NCKAP5: variants seen among roughly 807,000 people sequenced by gnomAD.
NCKAP5 encodes the protein NCK associated protein 5, also known as nck-associated protein 5.
NCKAP5 carries 92 observed loss-of-function variants against 167.0 expected under a neutral mutation model. The observed-to-expected ratio is 0.55, with a 90% CI of 0.47 to 0.66. The LOEUF is 0.66. Among genes scored for constraint, NCKAP5 ranks in the 30% least tolerant of loss-of-function variants. The pLI is 0.00. For synonymous variants in NCKAP5, 891 were observed against 877.4 expected, an observed-to-expected ratio of 1.02 and a Z score of -0.27; for missense variants, 2,378 against 2,315.0, an observed-to-expected ratio of 1.03 and a Z score of -0.56.
intron 3 of NCKAP5, among the ~76,000 whole-genome samples, chr2:133,387,596 T>C (rs1687079941): frequency 6.6e-6 from 1 of 152,232 alleles, no homozygotes; most frequent in South Asian, 2.1e-4. Context: ...TTGGCCTGCC[T>C]TGCTAAGTTG....
At chr2:133,339,174 C>T (rs1054935710) in intron 3 of NCKAP5, among the ~76,000 whole-genome samples, 1 of 152,108 alleles carries the variant, frequency 6.6e-6, no homozygotes, top group African/African-American at 2.4e-5. Context: ...CTTGTTTCTC[C>T]TTTCTTATGT....
chr2:133,613,704 C>T, the NCKAP5 span, among the ~76,000 whole-genome samples: 1 of 152,154 alleles, frequency 6.6e-6, no homozygotes, highest in Non-Finnish European at 1.5e-5. Context: ...CACATGCGGA[C>T]TGGTTCTAGG....
chr2:132,961,203 C>T (rs1287483200), intron 8 of NCKAP5, among the ~76,000 whole-genome samples: 2 of 151,386 alleles, frequency 1.3e-5, no homozygotes, highest in African/African-American at 4.9e-5. Flanking sequence ...TTAACCCATG[C>T]AAAGATCCTA....
intron 6 of NCKAP5, among the ~76,000 whole-genome samples, chr2:133,090,180 A>G (rs796234899): frequency 6.6e-6 from 1 of 151,598 alleles, no homozygotes; most frequent in African/African-American, 2.4e-5. Context: ...CAACTGGGGC[A>G]ATACAGTGAG....
At chr2:132,806,395 T>A (rs973351110) in intron 11 of NCKAP5, among the ~76,000 whole-genome samples, 1 of 152,202 alleles carries the variant, frequency 6.6e-6, no homozygotes, top group Non-Finnish European at 1.5e-5. Context: ...CCAGCGGCAG[T>A]GTAGAAGTGT....
the NCKAP5 span, among the ~76,000 whole-genome samples, chr2:133,634,662 AT>A: frequency 6.6e-6 from 1 of 152,184 alleles, no homozygotes; most frequent in African/African-American, 2.4e-5. Flanking sequence ...ATGATTATGC[AT>A]GATAAGGAAC....
At chr2:133,209,980 C>T (rs555427645) in intron 5 of NCKAP5, among the ~76,000 whole-genome samples, 4 of 152,106 alleles carry the variant, frequency 2.6e-5, no homozygotes, top group African/African-American at 9.6e-5. Context: ...GCCTGGCCAA[C>T]TTAGTGAAAC....
In NCKAP5 at chr2:132,671,984, TC is replaced by T. The variant is rs1295605216; in HGVS notation, c.*1304del. 3 of 152,612 alleles carry T rather than the reference TC, an allele frequency of 2.0e-5. No homozygotes were observed. The highest frequency in any genetic ancestry group is 4.4e-5 in the Non-Finnish European group (3 of 68,044). 9.5% of individuals were successfully genotyped at this position (152,612 alleles called of 1,614,324 possible). On this transcript the variant is annotated 3_prime_UTR_variant, in exon 20 of 20. Transcript: ENST00000409261. ...TTATGTGCTAAAGTAGCCATATAGA[TC>T]CTAAAAATATTTCTATTGGGCCTAG...
At chr2:132,952,573 A>G (rs549894513) in intron 8 of NCKAP5, among the ~76,000 whole-genome samples, 1 of 152,294 alleles carries the variant, frequency 6.6e-6, no homozygotes, top group Admixed American at 6.5e-5. Context: ...GAAGGCCAAA[A>G]GGGCTGCTGT....
chr2:133,229,204 G>A (rs1158654407), intron 4 of NCKAP5, among the ~76,000 whole-genome samples: 1 of 152,248 alleles, frequency 6.6e-6, no homozygotes, highest in African/African-American at 2.4e-5. Context: ...CAACCAGGCA[G>A]GAAAATTCTG....
chr2:133,541,268 G>A (rs1686210331), intron 2 of NCKAP5, among the ~76,000 whole-genome samples: 1 of 137,598 alleles, frequency 7.3e-6, no homozygotes, highest in Non-Finnish European at 1.7e-5. Context: ...ACTTTTAATT[G>A]AAAAATATAA....
chr2:132,852,009 C>T (rs755377199), intron 11 of NCKAP5, among the ~76,000 whole-genome samples: 11 of 152,182 alleles, frequency 7.2e-5, no homozygotes, highest in Admixed American at 1.3e-4. Flanking sequence ...TGATTTCCAG[C>T]GCCAAGAAAT....
intron 3 of NCKAP5, among the ~76,000 whole-genome samples, chr2:133,388,405 C>A (rs552592818): frequency 6.6e-6 from 1 of 152,302 alleles, no homozygotes; most frequent in African/African-American, 2.4e-5. Flanking sequence ...CTGGAGGTTT[C>A]GTCTCAGAGG....
At position 132,784,971 on chromosome 2, in the gene NCKAP5, C is replaced by T. The variant is rs552740576; in HGVS notation, c.1840G>A (p.Val614Met). 8.7e-6 allele frequency: 14 copies of T among 1,612,990 alleles called. No homozygotes were observed. The highest frequency in any genetic ancestry group is 8.3e-5 in the Admixed American group (5 of 59,938). The change falls in exon 14 of 20, where the codon GTG becomes ATG. Residue 614 changes from valine to methionine, a missense_variant. By Grantham distance (21) the Val-to-Met change is conservative. Transcript: ENST00000409261. ...CCCACAAGGACATCCAGGTTCTCCA[C>T]GGACTTATCGGTGTCGGCAGCCAAT... The part of the protein sequence containing the change: ...VSLAADTDKS[V>M]ENLDVLVGFG...
At chr2:133,387,449 C>T (rs1203478472) in intron 3 of NCKAP5, among the ~76,000 whole-genome samples, 1 of 152,174 alleles carries the variant, frequency 6.6e-6, no homozygotes, top group Non-Finnish European at 1.5e-5. Flanking sequence ...TTGTGGGTAA[C>T]CCGACCTTTC....
intron 4 of NCKAP5, among the ~76,000 whole-genome samples, chr2:133,276,769 A>G (rs1258680592): frequency 1.3e-5 from 2 of 152,162 alleles, no homozygotes; most frequent in African/African-American, 4.8e-5. Context: ...ATGTCACTAT[A>G]TATATCACTG....
intron 3 of NCKAP5, among the ~76,000 whole-genome samples, chr2:133,486,625 A>G (rs1330999199): frequency 6.6e-6 from 1 of 152,234 alleles, no homozygotes; most frequent in East Asian, 1.9e-4. Context: ...AAATCAGTTC[A>G]GTCAGCTGAA....
intron 8 of NCKAP5, among the ~76,000 whole-genome samples, chr2:132,915,242 C>G (rs1694774872): frequency 1.3e-5 from 2 of 151,962 alleles, no homozygotes; most frequent in South Asian, 4.2e-4. Context: ...GAATGGTGAA[C>G]AGTGGCATAC....
chr2:133,612,613 T>G, the NCKAP5 span, among the ~76,000 whole-genome samples: 1 of 152,214 alleles, frequency 6.6e-6, no homozygotes, highest in Non-Finnish European at 1.5e-5. Context: ...TTCTTTTATA[T>G]GATCAATGTA....
Sources: gnomAD v4.1 joint callset for allele counts (sites outside exome capture counted in the v4.1 genomes callset) on GRCh38, gnomAD v4.1.1 for gene constraint, MANE v1.5 for transcripts, NCBI Gene and HGNC (gene_info 2026-07-23, HGNC 2026-07-21) for gene names.